CFTR: variants seen among roughly 807,000 people sequenced by gnomAD.
CFTR encodes the protein cystic fibrosis transmembrane conductance regulator.
CFTR carries 181 observed loss-of-function variants against 171.6 expected under a neutral mutation model. The ratio of observed to expected loss-of-function variants is 1.05; its 90% CI spans 0.93 to 1.19. CFTR has a LOEUF of 1.19. Ranked by LOEUF, CFTR falls within the 50% of genes most tolerant of loss-of-function variation. CFTR has a pLI of 0.00. For missense variants in CFTR, 1,968 were observed against 1,734.7 expected, an observed-to-expected ratio of 1.13 and a Z score of -2.39; for synonymous variants, 583 against 608.0, an observed-to-expected ratio of 0.96 and a Z score of 0.60.
intron 1 of CFTR, among the ~76,000 whole-genome samples, chr7:117,486,056 A>G (rs1314491530): frequency 6.6e-6 from 1 of 152,136 alleles, no homozygotes; most frequent in Admixed American, 6.6e-5. Context: ...TAATGCTTAG[A>G]ACAATTATTC....
chr7:117,549,248 C>CTTATGATATATTATAGAATATAATAT (rs1799227661), intron 10 of CFTR, among the ~76,000 whole-genome samples: 2 of 152,038 alleles, frequency 1.3e-5, no homozygotes, highest in African/African-American at 2.4e-5. Flanking sequence ...TTACAATTTT[C>CTTATGATATATTATAGAATATAATAT]AGAATAGATT....
intron 2 of CFTR, among the ~76,000 whole-genome samples, chr7:117,505,963 A>G (rs1798409083): frequency 6.6e-6 from 1 of 152,140 alleles, no homozygotes; most frequent in Non-Finnish European, 1.5e-5. Flanking sequence ...GGTGTGTGCA[A>G]ATGCCATGAG....
chr7:117,587,746 C>G lies in CFTR; in HGVS notation c.1592C>G (p.Ser531Cys), dbSNP rs1791963566. ...TTCTATTTTTGGTAATAGGACATCT[C>G]CAAGTTTGCAGAGAAAGACAATATA... ...IKACQLEEDI[S>C]KFAEKDNIVL... Residue 531 changes from serine to cysteine, a missense_variant, in exon 12 of 27, where the codon TCC becomes TGC. Coordinates refer to ENST00000003084, the MANE Select transcript of CFTR (RefSeq NM_000492.4). 1 of 1,604,026 alleles carries G rather than the reference C, an allele frequency of 6.2e-7. No individual in the cohort carries two copies. The highest frequency in any genetic ancestry group is 2.2e-5 in the East Asian group (1 of 44,776).
intron 25 of CFTR, 117 bp downstream of exon 25, chr7:117,664,977 A>AC: frequency 5.5e-6 from 6 of 1,086,166 alleles, no homozygotes; most frequent in Non-Finnish European, 7.1e-6. Flanking sequence ...GGTCTCCCCC[A>AC]AGATATGAAA....
chr7:117,661,018 T>C (rs1375621947), intron 24 of CFTR, among the ~76,000 whole-genome samples: 1 of 152,180 alleles, frequency 6.6e-6, no homozygotes, highest in African/African-American at 2.4e-5. Flanking sequence ...AAAAGATCCG[T>C]AGGAGAATTC....
At chr7:117,566,221 G>A (rs1791599403) in intron 11 of CFTR, among the ~76,000 whole-genome samples, 1 of 150,220 alleles carries the variant, frequency 6.7e-6, no homozygotes, top group Non-Finnish European at 1.5e-5. Flanking sequence ...ATCACAGGAG[G>A]CCAGGAGTTC....
intron 22 of CFTR, among the ~76,000 whole-genome samples, chr7:117,639,860 T>TG (rs1419460974): frequency 1.3e-5 from 2 of 152,182 alleles, no homozygotes; most frequent in African/African-American, 4.8e-5. Context: ...AATCACCTTG[T>TG]GGATCTAAAT....
At chr7:117,554,948 C>G (rs528838114) in intron 10 of CFTR, among the ~76,000 whole-genome samples, 1 of 152,120 alleles carries the variant, frequency 6.6e-6, no homozygotes, top group African/African-American at 2.4e-5. Context: ...ACCATTGATG[C>G]CTTATTCTTT....
chr7:117,620,770 G>T (rs35547457), intron 21 of CFTR, among the ~76,000 whole-genome samples: 7,169 of 152,204 alleles, frequency 0.047, 574 homozygotes, highest in African/African-American at 0.16. Context: ...GAATGGATTA[G>T]ATCACAAGTT....
chr7:117,570,275 T>G (rs920068635), intron 11 of CFTR, among the ~76,000 whole-genome samples: 9 of 151,884 alleles, frequency 5.9e-5, no homozygotes, highest in Non-Finnish European at 1.0e-4. Flanking sequence ...CTCCACTAAC[T>G]TTCACGTGCC....
chr7:117,600,094 T>G (rs749632159), intron 15 of CFTR, among the ~76,000 whole-genome samples: 2 of 152,058 alleles, frequency 1.3e-5, no homozygotes, highest in Non-Finnish European at 1.5e-5. Context: ...ATATGAAATA[T>G]GTAGTCTTTT....
intron 14 of CFTR, 35 bp downstream of exon 14, chr7:117,592,692 C>CAGAATGCAATTGAGT: frequency 1.4e-6 from 2 of 1,476,132 alleles, no homozygotes; most frequent in Non-Finnish European, 1.8e-6. Flanking sequence ...TTTCACCCCA[C>CAGAATGCAATTGAGT]AGAATGCAAT....
At chr7:117,575,187 G>A (rs1791752656) in intron 11 of CFTR, among the ~76,000 whole-genome samples, 1 of 151,822 alleles carries the variant, frequency 6.6e-6, no homozygotes, top group African/African-American at 2.4e-5. Flanking sequence ...CTTTGAAATA[G>A]CCATACAATT....
intron 21 of CFTR, among the ~76,000 whole-genome samples, chr7:117,615,123 G>T (rs745776508): frequency 1.3e-5 from 2 of 152,094 alleles, no homozygotes; most frequent in African/African-American, 2.4e-5. Context: ...CTTGGTGTCT[G>T]GTAGATGTGA....
At chr7:117,653,074 G>A (rs1305514985) in intron 24 of CFTR, 143 bp downstream of exon 24, 7 of 679,422 alleles carry the variant, frequency 1.0e-5, no homozygotes, top group Middle Eastern at 4.0e-4. Flanking sequence ...CATACCTGGA[G>A]CAACAGGTAC....
At chr7:117,646,076 T>G (rs1792991646) in intron 23 of CFTR, among the ~76,000 whole-genome samples, 1 of 152,186 alleles carries the variant, frequency 6.6e-6, no homozygotes, top group Non-Finnish European at 1.5e-5. Flanking sequence ...GATTTTAGTC[T>G]GTGTAATCTT....
At chr7:117,608,443 C>T (rs1792334888) in intron 18 of CFTR, among the ~76,000 whole-genome samples, 1 of 152,108 alleles carries the variant, frequency 6.6e-6, no homozygotes, top group Non-Finnish European at 1.5e-5. Flanking sequence ...GAACTCCTGA[C>T]CTCAAGTGAT....
chr7:117,485,006 C>T (rs1171740908), intron 1 of CFTR, among the ~76,000 whole-genome samples: 4 of 152,098 alleles, frequency 2.6e-5, no homozygotes, highest in African/African-American at 2.4e-5. Context: ...AACTGTTACA[C>T]TAGGGAAATC....
chr7:117,662,163 T>G (rs765255781), intron 24 of CFTR, among the ~76,000 whole-genome samples: 4 of 152,162 alleles, frequency 2.6e-5, no homozygotes, highest in Non-Finnish European at 4.4e-5. Flanking sequence ...TGGCAGAGCT[T>G]AAGCCAGTGC....
Sources: allele counts gnomAD v4.1 joint callset (sites outside exome capture counted in the v4.1 genomes callset), GRCh38; gene constraint gnomAD v4.1.1; transcripts MANE v1.5; gene names NCBI Gene and HGNC (gene_info 2026-07-23, HGNC 2026-07-21).